The following COP1 variants were observed in gnomAD, a reference collection of about 807,000 sequenced individuals.
COP1 encodes E3 ubiquitin-protein ligase COP1.
Under a neutral mutation model 101.3 loss-of-function variants are expected in COP1, and 24 were observed. That is an observed-to-expected ratio of 0.24 (90% CI 0.17 to 0.33). The LOEUF is 0.33. COP1 is among the 10% of genes least tolerant of loss of function. COP1 has a pLI of 1.00. For missense variants in COP1, 663 were observed against 906.2 expected (o/e 0.73, Z 3.45); for synonymous variants, 347 against 341.9 (o/e 1.01, Z -0.17).
chr1:175,949,190 A>AAAAAAAAAAAAT (rs1558152756), intron 18 of COP1, among the ~76,000 whole-genome samples: 1 of 146,188 alleles, frequency 6.8e-6, no homozygotes, highest in African/African-American at 2.5e-5. Context: ...AAAAAAAAAA[A>AAAAAAAAAAAAT]AATGAACATG....
chr1:176,081,454 T>C (rs569572101), intron 10 of COP1, among the ~76,000 whole-genome samples, 167 bp from the exon 11 acceptor site: 68 of 152,200 alleles, frequency 4.5e-4, no homozygotes, highest in Non-Finnish European at 8.5e-4. Flanking sequence ...TTTTCAGTTT[T>C]AATAAAAAAT....
At chr1:175,984,202 A>G (rs1304685974) in intron 18 of COP1, among the ~76,000 whole-genome samples, 1 of 152,062 alleles carries the variant, frequency 6.6e-6, no homozygotes, top group African/African-American at 2.4e-5. Flanking sequence ...CAGAGGAAAA[A>G]GTTGTTTCCT....
At chr1:176,058,029 G>A (rs1463386485) in intron 11 of COP1, among the ~76,000 whole-genome samples, 38 of 148,582 alleles carry the variant, frequency 2.6e-4, no homozygotes, top group Non-Finnish European at 4.4e-4. Flanking sequence ...CAGCCGCCCC[G>A]TCTGAGAAGT....
chr1:176,171,162 T>G (rs889056335), intron 3 of COP1, among the ~76,000 whole-genome samples: 9 of 150,262 alleles, frequency 6.0e-5, no homozygotes, highest in Non-Finnish European at 1.2e-4. Context: ...GGCTGTTATA[T>G]CTACACTGAA....
At position 176,126,517 on chromosome 1, in the gene COP1, C is replaced by T. The variant is rs749073774; in HGVS notation, c.968+8493G>A. ...CTGTCACCAGGCTGGAGTGCGGTGG[C>T]GCAATCTCAGCTCACTGCAACCTCT... On this transcript the variant is annotated intron_variant, in intron 8 of 19. Coordinates refer to ENST00000367669, the MANE Select transcript of COP1 (RefSeq NM_022457.7). Among the ~76,000 whole-genome samples the T allele has an allele frequency of 2.2e-4, 34 of 151,942 alleles. No homozygotes were observed. The Middle Eastern group carries it at 0.01, about 46-fold the overall frequency.
chr1:176,114,618 C>T (rs972866823), intron 9 of COP1, among the ~76,000 whole-genome samples: 2 of 151,526 alleles, frequency 1.3e-5, no homozygotes, highest in Non-Finnish European at 2.9e-5. Flanking sequence ...GAAAGGGTCT[C>T]ACTCTGTCAC....
At chr1:176,052,542 G>T (rs1345535865) in intron 11 of COP1, among the ~76,000 whole-genome samples, 1 of 152,024 alleles carries the variant, frequency 6.6e-6, no homozygotes, top group Non-Finnish European at 1.5e-5. Flanking sequence ...TTACTACTAT[G>T]TAAAATTCAG....
At chr1:176,107,134 C>G (rs919432768) in intron 9 of COP1, among the ~76,000 whole-genome samples, 3 of 151,850 alleles carry the variant, frequency 2.0e-5, no homozygotes. Flanking sequence ...CCTGGGAGTC[C>G]TTCAGTAATC....
intron 18 of COP1, among the ~76,000 whole-genome samples, chr1:175,970,194 G>C (rs1652958427): frequency 6.6e-6 from 1 of 152,098 alleles, no homozygotes; most frequent in African/African-American, 2.4e-5. Context: ...TTGGTAGACT[G>C]CATTCTATAG....
chr1:176,019,186 C>T (rs1337023516), intron 15 of COP1, among the ~76,000 whole-genome samples: 3 of 149,182 alleles, frequency 2.0e-5, no homozygotes, highest in African/African-American at 2.5e-5. Context: ...AAATCATGGC[C>T]GGGTGTGGTG....
intron 8 of COP1, among the ~76,000 whole-genome samples, chr1:176,133,141 C>T (rs1240468292): frequency 2.9e-5 from 4 of 138,872 alleles, no homozygotes; most frequent in Non-Finnish European, 3.2e-5. Context: ...CATACACATA[C>T]GTATATACGT....
chr1:176,089,680 GTT>G (rs905123052), intron 9 of COP1, among the ~76,000 whole-genome samples: 2 of 152,142 alleles, frequency 1.3e-5, no homozygotes, highest in Non-Finnish European at 2.9e-5. Flanking sequence ...TAAACTCTGA[GTT>G]TTTTTCTTTC....
At chr1:176,205,317 T>C (rs550557701) in intron 1 of COP1, among the ~76,000 whole-genome samples, 45 of 152,256 alleles carry the variant, frequency 3.0e-4, no homozygotes, top group African/African-American at 1.0e-3. Flanking sequence ...AAATGTTCAA[T>C]GAAAAACAGA....
chr1:176,173,986 CAAAAAAAAAA>C (rs1212803591), intron 3 of COP1, among the ~76,000 whole-genome samples: 4 of 49,062 alleles, frequency 8.2e-5, no homozygotes, highest in Non-Finnish European at 1.5e-4. Flanking sequence ...GATGCTGTCT[CAAAAAAAAAA>C]AAAAAAAAAA....
At chr1:176,115,451 A>C (rs1686024004) in intron 9 of COP1, among the ~76,000 whole-genome samples, 2 of 151,774 alleles carry the variant, frequency 1.3e-5, no homozygotes, top group African/African-American at 2.4e-5. Context: ...CTGTCTCAAA[A>C]AGAAAAATAA....
chr1:175,998,149 A>G (rs1272187165), intron 15 of COP1, among the ~76,000 whole-genome samples: 12 of 149,712 alleles, frequency 8.0e-5, no homozygotes, highest in African/African-American at 2.7e-4. Flanking sequence ...TGATGAGTTC[A>G]TGTCCTTTGT....
chr1:176,202,874 G>T (rs367738161), intron 1 of COP1, among the ~76,000 whole-genome samples: 23 of 151,960 alleles, frequency 1.5e-4, no homozygotes, highest in Non-Finnish European at 2.9e-4. Context: ...AATGATACCA[G>T]GTTATGATAT....
chr1:176,019,549 CA>C (rs1237604886), intron 15 of COP1, among the ~76,000 whole-genome samples: 20 of 141,128 alleles, frequency 1.4e-4, no homozygotes, highest in South Asian at 4.5e-4. Flanking sequence ...CAAATCATAA[CA>C]AAAAAAAAAA....
At chr1:175,959,755 G>T (rs1651105932) in intron 18 of COP1, among the ~76,000 whole-genome samples, 1 of 152,074 alleles carries the variant, frequency 6.6e-6, no homozygotes, top group South Asian at 2.1e-4. Context: ...AAGAGTAGGG[G>T]AAAACTGAGT....
Sources: allele counts gnomAD v4.1 joint callset (sites outside exome capture counted in the v4.1 genomes callset), GRCh38; gene constraint gnomAD v4.1.1; transcripts MANE v1.5; gene names NCBI Gene and HGNC (gene_info 2026-07-23, HGNC 2026-07-21).